Variants in PAPPA observed in about 807,000 individuals in gnomAD.
The protein encoded by PAPPA is pappalysin-1.
A neutral mutation model predicts 164.0 loss-of-function variants in PAPPA; 60 were observed. That is an observed-to-expected ratio of 0.37 (90% CI 0.30 to 0.45). The LOEUF is 0.45. Ranked by LOEUF, PAPPA falls within the 20% of genes least tolerant of loss-of-function variation. The pLI is 1.00. For synonymous variants in PAPPA, 875 were observed against 814.1 expected (o/e 1.07, Z -1.27); for missense variants, 1,782 against 2,087.3 (o/e 0.85, Z 2.85).
intron 5 of PAPPA, 108 bp from the exon 6 acceptor site, chr9:116,227,323 C>A (rs1844525568): frequency 1.7e-6 from 2 of 1,164,330 alleles, no homozygotes; most frequent in Non-Finnish European, 2.5e-6. Flanking sequence ...AAGGGGGAAA[C>A]ACAGATTTGT....
At chr9:116,303,824 C>T (rs1291262165) in intron 10 of PAPPA, among the ~76,000 whole-genome samples, 1 of 152,190 alleles carries the variant, frequency 6.6e-6, no homozygotes, top group East Asian at 1.9e-4. Flanking sequence ...TATGACCTTC[C>T]TCTGGGGTCA....
chr9:116,305,429 T>C (rs547617218), intron 10 of PAPPA, among the ~76,000 whole-genome samples: 94 of 144,998 alleles, frequency 6.5e-4, no homozygotes, highest in African/African-American at 9.8e-4. Flanking sequence ...CTTCTCACTT[T>C]CCCCCCAGAT....
intron 21 of PAPPA, among the ~76,000 whole-genome samples, chr9:116,384,591 ATT>A (rs1564251243): frequency 1.3e-5 from 2 of 152,012 alleles, no homozygotes; most frequent in African/African-American, 4.8e-5. Flanking sequence ...CTTTTGGATT[ATT>A]TCTTTTTTCT....
chr9:116,367,854 C>T (rs1846522733), intron 19 of PAPPA, 100 bp downstream of exon 19: 1 of 784,364 alleles, frequency 1.3e-6, no homozygotes, highest in African/African-American at 1.7e-5. Context: ...TTCTTTCACA[C>T]ATATTACCTC....
At chr9:116,208,140 A>G (rs1844260858) in intron 3 of PAPPA, among the ~76,000 whole-genome samples, 1 of 152,202 alleles carries the variant, frequency 6.6e-6, no homozygotes. Context: ...AATTATACAT[A>G]TCCATAAACA....
At chr9:116,250,096 C>T (rs1317347149) in intron 7 of PAPPA, among the ~76,000 whole-genome samples, 1 of 151,608 alleles carries the variant, frequency 6.6e-6, no homozygotes, top group Non-Finnish European at 1.5e-5. Flanking sequence ...CTGTTTTCAT[C>T]ATCTGCTGAT....
At chr9:116,247,219 T>C (rs1207711649) in intron 7 of PAPPA, among the ~76,000 whole-genome samples, 1 of 152,168 alleles carries the variant, frequency 6.6e-6, no homozygotes, top group Non-Finnish European at 1.5e-5. Context: ...CATGACATAT[T>C]AATATCAATT....
rs976495358 is a variant in PAPPA, at chr9:116,246,197, C to G, written c.2732+10560C>G. Among the ~76,000 whole-genome samples, 7 of 152,214 alleles carry G rather than the reference C, an allele frequency of 4.6e-5. No homozygotes were observed. In the East Asian group the frequency reaches 5.8e-4, roughly 13 times the overall value. On this transcript the variant is annotated intron_variant, in intron 7 of 21. Transcript: ENST00000328252. ...TTTACAATGGACCTGACACACTTCCCATTAATATATAATCTCAAACAGATA... is the reference window on the plus strand; with the variant it reads ...TTTACAATGGACCTGACACACTTCCGATTAATATATAATCTCAAACAGATA...
chr9:116,334,360 C>T (rs1451552861), intron 12 of PAPPA, among the ~76,000 whole-genome samples: 4 of 152,142 alleles, frequency 2.6e-5, no homozygotes, highest in African/African-American at 7.2e-5. Context: ...GATTCTCAAC[C>T]TCTTCTGCAG....
At chr9:116,294,961 C>T (rs1845483151) in intron 9 of PAPPA, among the ~76,000 whole-genome samples, 6 of 152,164 alleles carry the variant, frequency 3.9e-5, no homozygotes, top group Admixed American at 3.9e-4. Context: ...TGAATCCACT[C>T]ATCGTTTGGA....
chr9:116,319,009 C>T (rs1254395807), intron 10 of PAPPA, among the ~76,000 whole-genome samples: 2 of 152,186 alleles, frequency 1.3e-5, no homozygotes, highest in African/African-American at 2.4e-5. Context: ...GACTTTCCCT[C>T]TCCCCGCCTC....
intron 7 of PAPPA, among the ~76,000 whole-genome samples, chr9:116,251,534 G>A (rs563639543): frequency 6.6e-6 from 1 of 152,260 alleles, no homozygotes; most frequent in African/African-American, 2.4e-5. Flanking sequence ...AGTTAGTGCC[G>A]CTCAATCACC....
chr9:116,236,350 C>T (rs1251727423), intron 7 of PAPPA, among the ~76,000 whole-genome samples: 3 of 151,880 alleles, frequency 2.0e-5, no homozygotes, highest in East Asian at 1.9e-4. Flanking sequence ...TTTGGGAGGC[C>T]GAGGCAGGCG....
In PAPPA at chr9:116,398,595, C is replaced by T; in HGVS notation, c.*1979C>T. ...TTGAGAAGACATCTATTGGCCATCTCTGGCCAATTACACTAAGAAACATAT... is the reference window on the plus strand; with the variant it reads ...TTGAGAAGACATCTATTGGCCATCTTTGGCCAATTACACTAAGAAACATAT... On this transcript the variant is annotated 3_prime_UTR_variant, in exon 22 of 22. Coordinates refer to ENST00000328252, the MANE Select transcript of PAPPA (RefSeq NM_002581.5). 8.1e-7 allele frequency: 1 copy of T among 1,231,946 alleles called. No homozygotes were observed. The highest frequency in any genetic ancestry group is 1.1e-6 in the Non-Finnish European group (1 of 936,486). The allele number at this position is 1,231,946 out of a possible 1,614,324, so 76.3% of individuals were successfully genotyped here.
At chr9:116,268,864 G>T (rs1052685930) in intron 8 of PAPPA, among the ~76,000 whole-genome samples, 3 of 137,234 alleles carry the variant, frequency 2.2e-5, no homozygotes, top group Non-Finnish European at 4.7e-5. Flanking sequence ...TAGGGGGGAA[G>T]GAAAACTTTG....
At position 116,304,726 on chromosome 9, in the gene PAPPA, A is replaced by T. The variant is rs539393307; in HGVS notation, c.3147+1776A>T. ...TGGTGATTATCTCTTCCTAAACAAAAATCCAATTTAAAAAATCATTATAAA... is the reference window on the plus strand; with the variant it reads ...TGGTGATTATCTCTTCCTAAACAAATATCCAATTTAAAAAATCATTATAAA... On this transcript the variant is annotated intron_variant, in intron 10 of 21. Transcript: ENST00000328252. 1.5e-4 allele frequency among the ~76,000 whole-genome samples: 23 copies of T among 152,316 alleles called. No homozygotes were observed. The South Asian group carries it at 4.2e-3, about 28-fold the overall frequency.
Position 116,239,293 on chromosome 9 carries a change from T to C in PAPPA, c.2732+3656T>C, listed in dbSNP as rs540058253. 2.6e-5 allele frequency among the ~76,000 whole-genome samples: 4 copies of C among 152,190 alleles called. No individual in the cohort carries two copies. In the South Asian group the frequency reaches 8.3e-4, roughly 32 times the overall value. On this transcript the variant is annotated intron_variant, in intron 7 of 21. Transcript: ENST00000328252. ...GGAAACCCCTCTATCGAATGAGAAA[T>C]GACACTATCAGAAGAAAGGGTACCA... is the stretch of plus-strand genomic sequence containing the variant.
At chr9:116,339,412 A>G (rs558250478) in intron 13 of PAPPA, among the ~76,000 whole-genome samples, 13 of 151,972 alleles carry the variant, frequency 8.6e-5, no homozygotes, top group Non-Finnish European at 1.8e-4. Flanking sequence ...TGCATCACCT[A>G]ATCTTCAAAA....
rs1405243353 is a variant in PAPPA, at chr9:116,211,875, A to C, written c.1861A>C (p.Thr621Pro). The C allele has an allele frequency of 1.9e-6, 3 of 1,613,870 alleles. No individual in the cohort carries two copies. In the East Asian group the frequency reaches 6.7e-5, roughly 36 times the overall value. ...TGGTGACCCAGGGCCAGGAAATGACACCTGTGGCTTTCATAGCTTCTTCAA... is the reference window on the plus strand; with the variant it reads ...TGGTGACCCAGGGCCAGGAAATGACCCCTGTGGCTTTCATAGCTTCTTCAA... ...SCGDPGPGNDTCGFHSFFNTP... is the reference protein window; with the variant it reads ...SCGDPGPGNDPCGFHSFFNTP... Residue 621 changes from threonine (T) to proline (P), a missense_variant, in exon 4 of 22, where the codon ACC (threonine) becomes CCC (proline). Thr to Pro is a conservative substitution (Grantham distance 38, BLOSUM62 -1). Coordinates refer to ENST00000328252, the MANE Select transcript of PAPPA (RefSeq NM_002581.5).
Sources: gnomAD v4.1 joint callset for allele counts (sites outside exome capture counted in the v4.1 genomes callset) on GRCh38, gnomAD v4.1.1 for gene constraint, MANE v1.5 for transcripts, NCBI Gene and HGNC (gene_info 2026-07-23, HGNC 2026-07-21) for gene names.